The following MARCHF4 variants were observed in gnomAD, a reference collection of about 807,000 sequenced individuals.
The protein encoded by MARCHF4 is E3 ubiquitin-protein ligase MARCHF4.
A neutral mutation model predicts 43.9 loss-of-function variants in MARCHF4; 14 were observed. The ratio of observed to expected loss-of-function variants is 0.32; its 90% CI spans 0.21 to 0.50. MARCHF4 has a LOEUF of 0.50. Ranked by LOEUF, MARCHF4 falls within the 20% of genes least tolerant of loss-of-function variation. The pLI is 0.98. For synonymous variants in MARCHF4, 226 were observed against 213.3 expected, an observed-to-expected ratio of 1.06 and a Z score of -0.52; for missense variants, 468 against 536.7, an observed-to-expected ratio of 0.87 and a Z score of 1.27.
chr2:216,267,995 G>C (rs925114952), intron 3 of MARCHF4, among the ~76,000 whole-genome samples: 2 of 152,226 alleles, frequency 1.3e-5, no homozygotes, highest in Non-Finnish European at 2.9e-5. Flanking sequence ...GTGGGAAGGA[G>C]TTAACACGGA....
chr2:216,262,219 A>T (rs1024841942), intron 3 of MARCHF4, among the ~76,000 whole-genome samples: 1 of 152,230 alleles, frequency 6.6e-6, no homozygotes, highest in Non-Finnish European at 1.5e-5. Context: ...GAGATGTGGT[A>T]GAATTAGCTC....
chr2:216,315,021 T>C lies in MARCHF4; in HGVS notation c.517-31292A>G, dbSNP rs532437728. The stretch of plus-strand genomic sequence containing the variant: ...AAGCTAAAGACAAATGGTAAACTGG[T>C]AAAAATCATTATAACTTGAATGTCA... On this transcript the variant is annotated intron_variant, in intron 1 of 3. Transcript: ENST00000273067. Among the ~76,000 whole-genome samples, 4 of 152,278 alleles carry C rather than the reference T, an allele frequency of 2.6e-5. No individual in the cohort carries two copies. The South Asian group carries it at 8.3e-4, about 32-fold the overall frequency.
At chr2:216,323,568 G>A (rs1432131740) in intron 1 of MARCHF4, among the ~76,000 whole-genome samples, 2 of 152,070 alleles carry the variant, frequency 1.3e-5, no homozygotes, top group Non-Finnish European at 2.9e-5. Context: ...GGGAAGTAAA[G>A]CACTCCTCAG....
chr2:216,299,650 C>T (rs1279840480), intron 1 of MARCHF4, among the ~76,000 whole-genome samples: 1 of 152,248 alleles, frequency 6.6e-6, no homozygotes, highest in East Asian at 1.9e-4. Flanking sequence ...CAGACAACTT[C>T]TGGCTCCGTC....
In MARCHF4 at chr2:216,289,236, C is replaced by G. The variant is rs537551409; in HGVS notation, c.517-5507G>C. On this transcript the variant is annotated intron_variant, in intron 1 of 3. Coordinates refer to ENST00000273067, the MANE Select transcript of MARCHF4 (RefSeq NM_020814.3). ...TTTGCCCTTTGTTTTCTTCCCCACC[C>G]GCCCCCCACCCAAGTTGCTGCCCAT... Among the ~76,000 whole-genome samples, 11 of 128,532 alleles carry G rather than the reference C, an allele frequency of 8.6e-5. No individual in the cohort carries two copies. The South Asian group carries it at 1.3e-3, about 16-fold the overall frequency. The allele number at this position is 128,532 out of a possible 152,430, so 84.3% of individuals were successfully genotyped here.
intron 1 of MARCHF4, among the ~76,000 whole-genome samples, chr2:216,318,645 G>A (rs1691823670): frequency 6.6e-6 from 1 of 152,146 alleles, no homozygotes. Context: ...CCTGAGGTAG[G>A]AGCAGGCTGA....
chr2:216,328,965 G>A (rs888781055), intron 1 of MARCHF4, among the ~76,000 whole-genome samples: 1 of 152,202 alleles, frequency 6.6e-6, no homozygotes, highest in East Asian at 1.9e-4. Flanking sequence ...TTGAACCGGT[G>A]AGGTGGAGGT....
intron 1 of MARCHF4, among the ~76,000 whole-genome samples, chr2:216,350,176 T>C (rs1692378536): frequency 6.6e-6 from 1 of 150,726 alleles, no homozygotes; most frequent in Admixed American, 6.6e-5. Flanking sequence ...GGCATTACAC[T>C]GTGCCACAAC....
intron 3 of MARCHF4, among the ~76,000 whole-genome samples, chr2:216,273,128 T>C (rs1476023702): frequency 2.0e-5 from 3 of 152,254 alleles, no homozygotes; most frequent in African/African-American, 4.8e-5. Flanking sequence ...AGAGCTGCAG[T>C]TGGCTTTCGT....
Position 216,292,259 on chromosome 2 carries a change from G to A in MARCHF4, c.517-8530C>T, listed in dbSNP as rs544369746. Among the ~76,000 whole-genome samples the A allele has an allele frequency of 3.3e-5, 5 of 152,334 alleles. No individual in the cohort carries two copies. In the East Asian group the frequency reaches 9.6e-4, roughly 29 times the overall value. On this transcript the variant is annotated intron_variant, in intron 1 of 3. Transcript: ENST00000273067. Reference sequence around the variant, plus strand: ...GATATCTGTTAAGAGAAAGTTAAGGGACAGAGGTTTTTGGAAGCATAGCAA... The same window carrying A: ...GATATCTGTTAAGAGAAAGTTAAGGAACAGAGGTTTTTGGAAGCATAGCAA...
chr2:216,364,370 C>T (rs1353182056), intron 1 of MARCHF4, among the ~76,000 whole-genome samples: 22 of 152,162 alleles, frequency 1.4e-4, no homozygotes, highest in Non-Finnish European at 1.2e-4. Context: ...ACACAGTTCA[C>T]TTCTTCCAGG....
At chr2:216,330,345 A>G (rs1469224742) in intron 1 of MARCHF4, among the ~76,000 whole-genome samples, 1 of 152,210 alleles carries the variant, frequency 6.6e-6, no homozygotes, top group Non-Finnish European at 1.5e-5. Flanking sequence ...TATAACTTTC[A>G]TATCACTAAA....
At chr2:216,345,305 C>T (rs1233159508) in intron 1 of MARCHF4, among the ~76,000 whole-genome samples, 1 of 151,956 alleles carries the variant, frequency 6.6e-6, no homozygotes, top group African/African-American at 2.4e-5. Context: ...GTTGTTGATT[C>T]CCTGCTAAAA....
At chr2:216,300,365 T>G (rs2105949233) in intron 1 of MARCHF4, among the ~76,000 whole-genome samples, 1 of 149,692 alleles carries the variant, frequency 6.7e-6, no homozygotes, top group East Asian at 2.0e-4. Flanking sequence ...TATATATATA[T>G]ATATGACTTA....
chr2:216,347,255 C>G (rs1297233795), intron 1 of MARCHF4, among the ~76,000 whole-genome samples: 1 of 152,154 alleles, frequency 6.6e-6, no homozygotes, highest in African/African-American at 2.4e-5. Context: ...TGGCATCATT[C>G]TAAGAGAAGG....
At chr2:216,317,046 C>T (rs1691789278) in intron 1 of MARCHF4, among the ~76,000 whole-genome samples, 1 of 152,160 alleles carries the variant, frequency 6.6e-6, no homozygotes, top group African/African-American at 2.4e-5. Flanking sequence ...CTCCAACCTT[C>T]TAACCTCTTC....
intron 1 of MARCHF4, among the ~76,000 whole-genome samples, chr2:216,307,573 T>C (rs1390250733): frequency 6.6e-6 from 1 of 151,924 alleles, no homozygotes; most frequent in Non-Finnish European, 1.5e-5. Flanking sequence ...TCTCCAAAGG[T>C]ATCCTATGAA....
intron 2 of MARCHF4, among the ~76,000 whole-genome samples, chr2:216,278,209 AGAT>A (rs1306223790): frequency 6.8e-6 from 1 of 146,758 alleles, no homozygotes. Flanking sequence ...CTAGGCCCCC[AGAT>A]GATTCTTTTA....
chr2:216,339,854 A>G (rs1228869778), intron 1 of MARCHF4, among the ~76,000 whole-genome samples: 1 of 152,116 alleles, frequency 6.6e-6, no homozygotes, highest in African/African-American at 2.4e-5. Context: ...CAGCCAGGGC[A>G]ATAAGGTACC....
Sources: allele counts gnomAD v4.1 joint callset (sites outside exome capture counted in the v4.1 genomes callset), GRCh38; gene constraint gnomAD v4.1.1; transcripts MANE v1.5; gene names NCBI Gene and HGNC (gene_info 2026-07-23, HGNC 2026-07-21).